KLF17: variants seen among roughly 807,000 people sequenced by gnomAD.
KLF17 encodes the protein KLF transcription factor 17, also known as Krueppel-like factor 17.
KLF17 carries 31 observed loss-of-function variants against 34.2 expected under a neutral mutation model. That is an observed-to-expected ratio of 0.91 (90% CI 0.68 to 1.22). KLF17 has a LOEUF of 1.22. KLF17 is among the 50% of genes most tolerant of loss of function. The probability of loss-of-function intolerance (pLI) is 0.00; values close to 1 mark genes in which losing one functional copy is unlikely to be tolerated. For synonymous variants in KLF17, 179 were observed against 186.7 expected (o/e 0.96, Z 0.34); for missense variants, 478 against 505.2 (o/e 0.95, Z 0.52).
chr1:44,080,328 T>G, the KLF17 span, among the ~76,000 whole-genome samples: 2 of 140,256 alleles, frequency 1.4e-5, no homozygotes, highest in Non-Finnish European at 3.0e-5. Flanking sequence ...AAGCCCCGCC[T>G]CCCGGGTTCA....
intron 1 of KLF17, 48 bp from the exon 2 acceptor site, chr1:44,129,305 T>C (rs111471571): frequency 6.6e-7 from 1 of 1,505,820 alleles, no homozygotes; most frequent in Non-Finnish European, 8.9e-7. Context: ...AGGAGGAACA[T>C]GTGGAACTGG....
chr1:44,086,988 A>G, the KLF17 span, among the ~76,000 whole-genome samples: 1 of 152,246 alleles, frequency 6.6e-6, no homozygotes, highest in East Asian at 1.9e-4. Flanking sequence ...AAAGCAGTCC[A>G]GTCAACACAG....
chr1:44,129,285 G>T (rs1231410078), intron 1 of KLF17, 68 bp from the exon 2 acceptor site: 2 of 1,490,082 alleles, frequency 1.3e-6, no homozygotes, highest in Non-Finnish European at 9.0e-7. Context: ...GATGGGGTCT[G>T]GGGATGAAGA....
chr1:44,131,071 A>C (rs1326646455), intron 3 of KLF17, among the ~76,000 whole-genome samples: 1 of 152,206 alleles, frequency 6.6e-6, no homozygotes, highest in African/African-American at 2.4e-5. Context: ...CTGGGATTAC[A>C]GGCGTGAGCC....
At chr1:44,085,807 C>CAAAAAA in the KLF17 span, among the ~76,000 whole-genome samples, 79 of 63,356 alleles carry the variant, frequency 1.2e-3, no homozygotes, top group East Asian at 1.8e-3. Context: ...TCTGTCTCAA[C>CAAAAAA]AAAAAAAAAA....
the KLF17 span, among the ~76,000 whole-genome samples, chr1:44,067,789 C>T: frequency 2.6e-5 from 4 of 151,898 alleles, no homozygotes; most frequent in African/African-American, 9.7e-5. Flanking sequence ...CAACAGTGAG[C>T]CAATGCCACC....
chr1:44,081,517 G>A, the KLF17 span, among the ~76,000 whole-genome samples: 2 of 150,618 alleles, frequency 1.3e-5, no homozygotes, highest in East Asian at 4.0e-4. Context: ...CCGGGTTCAA[G>A]CAATTCTCTT....
intron 1 of KLF17, among the ~76,000 whole-genome samples, chr1:44,124,567 T>C (rs1182807586): frequency 6.7e-6 from 1 of 148,782 alleles, no homozygotes; most frequent in Non-Finnish European, 1.5e-5. Flanking sequence ...CGATCTCGGC[T>C]CACTGCAGGC....
chr1:44,121,937 C>A (rs945177950), intron 1 of KLF17, among the ~76,000 whole-genome samples: 38 of 152,222 alleles, frequency 2.5e-4, no homozygotes, highest in African/African-American at 8.7e-4. Context: ...CAGTTCCCTA[C>A]CAGCCATTCA....
chr1:44,073,379 G>A, the KLF17 span, among the ~76,000 whole-genome samples: 13 of 151,696 alleles, frequency 8.6e-5, no homozygotes, highest in Non-Finnish European at 1.5e-4. Context: ...GCTAATTTTT[G>A]TATTTTTAGT....
At chr1:44,064,682 C>T in the KLF17 span, among the ~76,000 whole-genome samples, 61,173 of 151,996 alleles carry the variant, frequency 0.4, 12,521 homozygotes, top group East Asian at 0.57. Flanking sequence ...AGCCATGTTA[C>T]GTGAATTTAT....
intron 1 of KLF17, among the ~76,000 whole-genome samples, chr1:44,121,768 T>C (rs1214433233): frequency 2.6e-5 from 4 of 152,216 alleles, no homozygotes; most frequent in Non-Finnish European, 5.9e-5. Flanking sequence ...CTCATGTGTA[T>C]GGTAGGTTTC....
the KLF17 span, among the ~76,000 whole-genome samples, chr1:44,065,071 G>A: frequency 2.0e-5 from 3 of 151,916 alleles, no homozygotes; most frequent in African/African-American, 7.3e-5. Context: ...GGCGGATCAC[G>A]AGGTCAGGAG....
At chr1:44,090,598 T>C in the KLF17 span, among the ~76,000 whole-genome samples, 3 of 152,030 alleles carry the variant, frequency 2.0e-5, no homozygotes, top group Non-Finnish European at 4.4e-5. Context: ...ATCATTGTGT[T>C]AAAGAGAAAG....
chr1:44,096,710 A>T, the KLF17 span, among the ~76,000 whole-genome samples: 50,914 of 139,246 alleles, frequency 0.37, 9,764 homozygotes, highest in African/African-American at 0.55. Flanking sequence ...TACGGTTTTT[A>T]AAAAAAAATT....
the KLF17 span, among the ~76,000 whole-genome samples, chr1:44,073,592 A>C: frequency 6.6e-6 from 1 of 152,000 alleles, no homozygotes; most frequent in Non-Finnish European, 1.5e-5. Flanking sequence ...GAGAGGGAAA[A>C]GAGAGGCAAG....
chr1:44,122,245 T>C lies in KLF17; in HGVS notation c.81+3257T>C. The C allele has an allele frequency of 1.9e-6, 3 of 1,604,796 alleles. No individual in the cohort carries two copies. The Admixed American group carries it at 5.0e-5, about 27-fold the overall frequency. The stretch of plus-strand genomic sequence containing the variant: ...CTTCCTGCAACAGCTTCCCTTTTCT[T>C]AGATTTCACCTTAGGTTCAACATCC... On this transcript the variant is annotated intron_variant, in intron 1 of 3. Transcript: ENST00000372299.
intron 1 of KLF17, among the ~76,000 whole-genome samples, chr1:44,124,334 CTT>C (rs562700840): frequency 4.4e-5 from 6 of 137,740 alleles, no homozygotes; most frequent in Admixed American, 2.2e-4. Flanking sequence ...TGTATATATT[CTT>C]TTTTTTTTTT....
chr1:44,065,405 G>GT, the KLF17 span, among the ~76,000 whole-genome samples: 3,916 of 119,016 alleles, frequency 0.033, 162 homozygotes, highest in African/African-American at 0.07. Flanking sequence ...ATAATCCTTG[G>GT]TTTTTTTTTT....
Sources: allele counts gnomAD v4.1 joint callset (sites outside exome capture counted in the v4.1 genomes callset), GRCh38; gene constraint gnomAD v4.1.1; transcripts MANE v1.5; gene names NCBI Gene and HGNC (gene_info 2026-07-23, HGNC 2026-07-21).